The following HIVEP2 variants were observed in gnomAD, a reference collection of about 807,000 sequenced individuals.
HIVEP2 encodes the protein HIVEP zinc finger 2.
In HIVEP2, 14 loss-of-function variants were observed where a neutral mutation model predicts 180.7. That is an observed-to-expected ratio of 0.08 (90% CI 0.05 to 0.12). HIVEP2 has a LOEUF of 0.12. HIVEP2 is among the 10% of genes least tolerant of loss of function. The pLI, the probability that HIVEP2 is intolerant of heterozygous loss-of-function variation, is 1.00. For missense variants in HIVEP2, 2,579 were observed against 3,008.5 expected (o/e 0.86, Z 3.34); for synonymous variants, 1,184 against 1,136.4 (o/e 1.04, Z -0.84).
intron 1 of HIVEP2, among the ~76,000 whole-genome samples, chr6:142,855,093 T>A (rs1250503452): frequency 6.6e-6 from 1 of 152,220 alleles, no homozygotes; most frequent in African/African-American, 2.4e-5. Flanking sequence ...AGAAGGGAAT[T>A]GGCTCCAAAG....
intron 9 of HIVEP2, among the ~76,000 whole-genome samples, chr6:142,757,002 G>A (rs1775092887): frequency 6.6e-6 from 1 of 152,092 alleles, no homozygotes; most frequent in Non-Finnish European, 1.5e-5. Flanking sequence ...GTCTGTGTAG[G>A]TACATTTGTA....
At chr6:142,808,495 T>C (rs1369258467) in intron 2 of HIVEP2, among the ~76,000 whole-genome samples, 3 of 144,536 alleles carry the variant, frequency 2.1e-5, no homozygotes, top group Admixed American at 6.9e-5. Context: ...GATGGATGGA[T>C]AGATGGAGGG....
intron 1 of HIVEP2, among the ~76,000 whole-genome samples, chr6:142,851,384 C>T (rs1230783107): frequency 6.6e-6 from 1 of 152,098 alleles, no homozygotes; most frequent in East Asian, 1.9e-4. Context: ...CTATGATTTC[C>T]ACAAAGAGGA....
At chr6:142,851,439 A>T (rs1187273795) in intron 1 of HIVEP2, among the ~76,000 whole-genome samples, 1 of 152,268 alleles carries the variant, frequency 6.6e-6, no homozygotes, top group African/African-American at 2.4e-5. Flanking sequence ...AAGGAAATGA[A>T]AGATCTAGAA....
At chr6:142,906,029 G>C (rs1777256921) in intron 1 of HIVEP2, among the ~76,000 whole-genome samples, 1 of 152,226 alleles carries the variant, frequency 6.6e-6, no homozygotes, top group East Asian at 1.9e-4. Context: ...AGCTACTTGG[G>C]AGGCTGAGGC....
chr6:142,887,108 T>C (rs528577782), intron 1 of HIVEP2, among the ~76,000 whole-genome samples: 4 of 152,084 alleles, frequency 2.6e-5, no homozygotes, highest in Non-Finnish European at 4.4e-5. Flanking sequence ...ATCATCCCAC[T>C]CATAAATATT....
chr6:142,942,162 C>T (rs1269163759), intron 1 of HIVEP2, among the ~76,000 whole-genome samples: 1 of 152,066 alleles, frequency 6.6e-6, no homozygotes, highest in Non-Finnish European at 1.5e-5. Context: ...TTGACTTTAG[C>T]TAATTACTGA....
intron 1 of HIVEP2, among the ~76,000 whole-genome samples, chr6:142,844,497 T>A (rs941975497): frequency 6.6e-6 from 1 of 152,202 alleles, no homozygotes; most frequent in Non-Finnish European, 1.5e-5. Context: ...CTTGGAAGAC[T>A]TACAAATCTT....
intron 2 of HIVEP2, among the ~76,000 whole-genome samples, chr6:142,786,742 T>C (rs1041445751): frequency 6.6e-6 from 1 of 152,240 alleles, no homozygotes; most frequent in African/African-American, 2.4e-5. Flanking sequence ...AGTGGGGTTG[T>C]CTTTTTCCAT....
chr6:142,753,734 G>A lies in HIVEP2; in HGVS notation c.6714C>T (p.His2238=), dbSNP rs1774990822. 1 of 1,614,078 alleles carries A rather than the reference G, an allele frequency of 6.2e-7. No individual in the cohort carries two copies. Among genetic ancestry groups the A allele is most frequent in the Non-Finnish European group, 8.5e-7 (1 of 1,180,042 alleles). Residue 2238 remains histidine, a synonymous_variant, in exon 10 of 10, where the codon CAC becomes CAT. Transcript: ENST00000367603. ...AACTGGAAAGGGCTGGCGGCATGGA[G>A]TGAACCATCTGGATCCCACCAACGG... The part of the protein sequence containing the change: ...MVPVGGIQMV[H]SMPPALSSLH...
At chr6:142,783,360 T>C (rs2114694880) in intron 3 of HIVEP2, among the ~76,000 whole-genome samples, 161 bp downstream of exon 3, 1 of 141,356 alleles carries the variant, frequency 7.1e-6, no homozygotes, top group African/African-American at 2.7e-5. Flanking sequence ...AAGACTAGTC[T>C]ACTATGAAAA....
chr6:142,890,806 T>C (rs1029059879), intron 1 of HIVEP2, among the ~76,000 whole-genome samples: 1 of 152,084 alleles, frequency 6.6e-6, no homozygotes, highest in Non-Finnish European at 1.5e-5. Context: ...CTACAGAAAA[T>C]AATGTCCCAT....
In HIVEP2 at chr6:142,773,776, A is replaced by C. The variant is rs1582845962; in HGVS notation, c.963T>G (p.Gly321=). ...YHGSLEESLG[G]PMKVPILIIP... is the part of the protein sequence containing the mutation. ...TAATCAAAATCGGCACCTTCATTGGACCTCCCAATGATTCTTCCAATGACC... is the reference window on the plus strand; with the variant it reads ...TAATCAAAATCGGCACCTTCATTGGCCCTCCCAATGATTCTTCCAATGACC... Residue 321 remains glycine, a synonymous_variant, in exon 5 of 10, where the codon GGT becomes GGG. Coordinates refer to ENST00000367603, the MANE Select transcript of HIVEP2 (RefSeq NM_006734.4). 2 of 1,613,674 alleles carry C rather than the reference A, an allele frequency of 1.2e-6. No homozygotes were observed. Among genetic ancestry groups the C allele is most frequent in the Non-Finnish European group, 1.7e-6 (2 of 1,179,978 alleles).
rs1430090671 is a variant in HIVEP2, at chr6:142,836,931, T to C, written c.-528+4A>G. On this transcript the variant is annotated splice_donor_region_variant and intron_variant, in intron 2 of 9. Transcript: ENST00000367603. ...CCATATAGAAAGCACTTGGCTTGAC[T>C]TACCTAGTGGCTGTATGTTAAAGCA... 1 of 152,152 alleles carries C rather than the reference T, an allele frequency of 6.6e-6. No individual in the cohort carries two copies. The highest frequency in any genetic ancestry group is 2.4e-5 in the African/African-American group (1 of 41,450). 9.4% of individuals were successfully genotyped at this position (152,152 alleles called of 1,614,324 possible).
Position 142,803,610 on chromosome 6 carries a change from C to G in HIVEP2, c.-527-19995G>C, listed in dbSNP as rs200852311. ...ACACACACACACAAAACTCAGGACACAAAGAGAAGATATCCTTCCTAAACT... is the reference window on the plus strand; with the variant it reads ...ACACACACACACAAAACTCAGGACAGAAAGAGAAGATATCCTTCCTAAACT... On this transcript the variant is annotated intron_variant, in intron 2 of 9. Coordinates refer to ENST00000367603, the MANE Select transcript of HIVEP2 (RefSeq NM_006734.4). Among the ~76,000 whole-genome samples the G allele has an allele frequency of 6.2e-5, 9 of 146,282 alleles. No homozygotes were observed. The East Asian group carries it at 1.9e-3, about 32-fold the overall frequency.
At chr6:142,825,187 A>G (rs958621628) in intron 2 of HIVEP2, among the ~76,000 whole-genome samples, 3 of 152,178 alleles carry the variant, frequency 2.0e-5, no homozygotes, top group African/African-American at 7.2e-5. Context: ...ACAGTAATCC[A>G]TATCAGTATT....
At chr6:142,942,627 A>G (rs1330760541) in intron 1 of HIVEP2, among the ~76,000 whole-genome samples, 1 of 152,216 alleles carries the variant, frequency 6.6e-6, no homozygotes, top group African/African-American at 2.4e-5. Context: ...AAATAGGAAT[A>G]TAGAAATGTT....
chr6:142,762,427 G>A (rs922370652), intron 7 of HIVEP2, among the ~76,000 whole-genome samples: 8 of 148,564 alleles, frequency 5.4e-5, no homozygotes, highest in Admixed American at 4.1e-4. Context: ...TCCAATCCTC[G>A]TTGACCCAGG....
chr6:142,916,105 C>T (rs935000093), intron 1 of HIVEP2, among the ~76,000 whole-genome samples: 8 of 152,130 alleles, frequency 5.3e-5, no homozygotes, highest in Admixed American at 2.6e-4. Context: ...CAAATCTCAC[C>T]AATCTTTCTC....
Sources: allele counts gnomAD v4.1 joint callset (sites outside exome capture counted in the v4.1 genomes callset), GRCh38; gene constraint gnomAD v4.1.1; transcripts MANE v1.5; gene names NCBI Gene and HGNC (gene_info 2026-07-23, HGNC 2026-07-21).